Variants in SLC25A53 observed in about 807,000 individuals in gnomAD.
SLC25A53 encodes mitochondrial carrier triple repeat protein 6.
In SLC25A53, 5 loss-of-function variants were observed where a neutral mutation model predicts 15.0. The observed-to-expected ratio is 0.33, with a 90% CI of 0.17 to 0.70. SLC25A53 has a LOEUF of 0.70. Ranked by LOEUF, SLC25A53 falls within the 30% of genes least tolerant of loss-of-function variation. The pLI is 0.67. For synonymous variants in SLC25A53, 95 were observed against 100.0 expected (o/e 0.95, Z 0.30); for missense variants, 216 against 241.6 (o/e 0.89, Z 0.70).
In SLC25A53 at chrX:104,107,916, C is replaced by A. The variant is rs1178829732; in HGVS notation, c.-31-2628G>T. Among the ~76,000 whole-genome samples, 3 of 111,620 alleles carry A rather than the reference C, an allele frequency of 2.7e-5. No homozygotes were observed. In the South Asian group the frequency reaches 1.1e-3, roughly 43 times the overall value. ...TGAGCTGTAAATGGAGCAGAAAGGG[C>A]AAAATAATTTTTAGTCATCTCCATA... On this transcript the variant is annotated intron_variant, in intron 1 of 1. Coordinates refer to ENST00000594199, the MANE Select transcript of SLC25A53 (RefSeq NM_001012755.5).
intron 1 of SLC25A53, among the ~76,000 whole-genome samples, chrX:104,129,569 C>T (rs910758110): frequency 5.5e-5 from 6 of 108,664 alleles, no homozygotes; most frequent in Non-Finnish European, 1.1e-4. Flanking sequence ...ATTGCCTTTT[C>T]TAACCTCAGC....
rs1360792605 is a variant in SLC25A53, at chrX:104,102,280, A to G, written c.*2054T>C. The G allele has an allele frequency of 8.9e-6, 1 of 112,206 alleles. No individual in the cohort carries two copies. The highest frequency in any genetic ancestry group is 1.9e-5 in the Non-Finnish European group (1 of 53,291). The allele number at this position is 112,206 out of a possible 1,213,427, so 9.2% of individuals were successfully genotyped here. ...GGAGATGCAAGAGGAGGGCATTACT[A>G]AGATATCTGTAGGGGGAAACTATAA... On this transcript the variant is annotated 3_prime_UTR_variant, in exon 2 of 2. Transcript: ENST00000594199.
chrX:104,119,621 A>G (rs1313885716), intron 1 of SLC25A53, among the ~76,000 whole-genome samples: 2 of 110,752 alleles, frequency 1.8e-5, no homozygotes, highest in Non-Finnish European at 3.8e-5. Flanking sequence ...ACTTCATTTC[A>G]TTCTTACAAC....
intron 1 of SLC25A53, among the ~76,000 whole-genome samples, chrX:104,149,331 T>C (rs1410450480): frequency 1.8e-5 from 2 of 112,970 alleles, no homozygotes; most frequent in African/African-American, 6.4e-5. Flanking sequence ...GGTTTAAGAA[T>C]TGAGACATCA....
chrX:104,128,147 G>A (rs2075416145), intron 1 of SLC25A53, among the ~76,000 whole-genome samples: 1 of 111,534 alleles, frequency 9.0e-6, no homozygotes, highest in Non-Finnish European at 1.9e-5. Context: ...CTAAAAAGAA[G>A]TGTATCAGTG....
At chrX:104,111,838 A>C (rs2075345909) in intron 1 of SLC25A53, among the ~76,000 whole-genome samples, 1 of 112,247 alleles carries the variant, frequency 8.9e-6, no homozygotes, top group Admixed American at 9.4e-5. Flanking sequence ...CAGTTTCTTC[A>C]TCTGTGAAAT....
chrX:104,115,432 GT>G, intron 1 of SLC25A53: 1 of 798,947 alleles, frequency 1.3e-6, no homozygotes, highest in South Asian at 2.8e-5. Context: ...CCACAAAGCA[GT>G]TTTCCTTTGG....
chrX:104,139,705 T>C (rs782353653), intron 1 of SLC25A53, among the ~76,000 whole-genome samples: 1 of 111,210 alleles, frequency 9.0e-6, no homozygotes, highest in Non-Finnish European at 1.9e-5. Flanking sequence ...TCCCAGCTAC[T>C]AGGGAGACTG....
intron 1 of SLC25A53, among the ~76,000 whole-genome samples, chrX:104,142,188 G>T (rs1556367685): frequency 9.0e-6 from 1 of 111,075 alleles, no homozygotes; most frequent in Admixed American, 9.6e-5. Flanking sequence ...AGGCTGCAGT[G>T]AGCCATGATC....
chrX:104,127,760 T>C (rs1345547093), intron 1 of SLC25A53, among the ~76,000 whole-genome samples: 1 of 111,536 alleles, frequency 9.0e-6, no homozygotes, highest in African/African-American at 3.3e-5. Context: ...GGTCAGGAGT[T>C]CGAGACCAGC....
At position 104,114,941 on chromosome X, in the gene SLC25A53, A is replaced by C. The variant is rs782767304; in HGVS notation, c.-31-9653T>G. The C allele has an allele frequency of 3.4e-5, 41 of 1,196,605 alleles. No individual in the cohort carries two copies. The Middle Eastern group carries it at 1.1e-3, about 33-fold the overall frequency. On this transcript the variant is annotated intron_variant, in intron 1 of 1. Transcript: ENST00000594199. ...GATGATACCCTTGATGACTCTGATG[A>C]GGATGTGATCCTGGTGGTGTCTCTG...
Position 104,114,240 on chromosome X carries a change from A to C in SLC25A53, c.-31-8952T>G, listed in dbSNP as rs782493173. 5.0e-6 allele frequency: 6 copies of C among 1,209,156 alleles called. No individual in the cohort carries two copies. In the East Asian group the frequency reaches 1.2e-4, roughly 24 times the overall value. ...CTTTAGTGGTCAAAATGGCAGAGAG[A>C]AACATGAAGTTGTTCTCAGGAAGAG... On this transcript the variant is annotated intron_variant, in intron 1 of 1. Transcript: ENST00000594199.
intron 1 of SLC25A53, among the ~76,000 whole-genome samples, chrX:104,146,121 G>A (rs2075465864): frequency 8.9e-6 from 1 of 111,812 alleles, no homozygotes; most frequent in African/African-American, 3.3e-5. Context: ...AATCAAGTCG[G>A]CTTCATCCCT....
chrX:104,114,129 G>T (rs782415322), intron 1 of SLC25A53: 3 of 1,211,504 alleles, frequency 2.5e-6, no homozygotes, highest in Non-Finnish European at 3.4e-6. Context: ...GCATCACTGC[G>T]TGTGTGGGTA....
intron 1 of SLC25A53, among the ~76,000 whole-genome samples, chrX:104,147,406 T>C (rs1481338247): frequency 1.8e-5 from 2 of 111,335 alleles, no homozygotes; most frequent in African/African-American, 3.3e-5. Context: ...ACTTCATGTC[T>C]AAAACACCAA....
At chrX:104,114,161 C>T (rs782116994) in intron 1 of SLC25A53, 13 of 1,210,218 alleles carry the variant, frequency 1.1e-5, no homozygotes, top group South Asian at 1.8e-5. Flanking sequence ...CAGAATGCAC[C>T]TTTGCCGCCT....
At chrX:104,142,942 A>G (rs1172209755) in intron 1 of SLC25A53, among the ~76,000 whole-genome samples, 2 of 107,721 alleles carry the variant, frequency 1.9e-5, no homozygotes, top group Non-Finnish European at 3.8e-5. Flanking sequence ...AAAAAAAAAG[A>G]AGGCGGGTGA....
intron 1 of SLC25A53, among the ~76,000 whole-genome samples, chrX:104,156,102 C>G (rs1450900672): frequency 1.9e-5 from 2 of 107,967 alleles, no homozygotes; most frequent in African/African-American, 6.8e-5. Context: ...AAGAAATACA[C>G]TAATTTTGGG....
intron 1 of SLC25A53, among the ~76,000 whole-genome samples, chrX:104,137,886 G>A (rs1326746237): frequency 1.8e-5 from 2 of 111,998 alleles, no homozygotes; most frequent in Non-Finnish European, 3.8e-5. Flanking sequence ...GTTCACAGAT[G>A]TTCTGTCTCA....
Sources: allele counts gnomAD v4.1 joint callset (sites outside exome capture counted in the v4.1 genomes callset), GRCh38; gene constraint gnomAD v4.1.1; transcripts MANE v1.5; gene names NCBI Gene and HGNC (gene_info 2026-07-23, HGNC 2026-07-21).